Variants in CIAO2B observed in about 807,000 individuals in gnomAD.
CIAO2B encodes cytosolic iron-sulfur assembly component 2B.
A neutral mutation model predicts 16.4 loss-of-function variants in CIAO2B; 20 were observed. That is an observed-to-expected ratio of 1.22 (90% CI 0.86 to 1.77). CIAO2B has a LOEUF of 1.77. Ranked by LOEUF, CIAO2B falls within the 40% of genes most tolerant of loss-of-function variation. The probability of loss-of-function intolerance (pLI) is 0.00; values close to 1 mark genes in which losing one functional copy is unlikely to be tolerated. For synonymous variants in CIAO2B, 106 were observed against 90.4 expected, an observed-to-expected ratio of 1.17 and a Z score of -0.98; for missense variants, 215 against 222.4, an observed-to-expected ratio of 0.97 and a Z score of 0.21.
chr16:66,934,157 C>A lies in CIAO2B; in HGVS notation c.142+66G>T. On this transcript the variant is annotated intron_variant, in intron 1 of 4. Coordinates refer to ENST00000422424, the MANE Select transcript of CIAO2B (RefSeq NM_016062.4). The surrounding 1 kb of genome is among the most constrained non-coding windows in gnomAD (Gnocchi z 4.1). The stretch of plus-strand genomic sequence containing the variant: ...TGCTGGGATGCGGCTCCACCAGCTG[C>A]TCGATATCACTGCTCCCCCCACCGC... 6.2e-7 allele frequency: 1 copy of A among 1,610,730 alleles called. No homozygotes were observed. Among genetic ancestry groups the A allele is most frequent in the Non-Finnish European group, 8.5e-7 (1 of 1,178,806 alleles).
rs1234286899 is a variant in CIAO2B at position 66,932,095 on chromosome 16, A to C, written c.*108T>G. ...ATAAATTAACTTTATTACAAAAAGC[A>C]AAATGTTAGTTTCTCATTGTGAGTG... On this transcript the variant is annotated 3_prime_UTR_variant, in exon 5 of 5. Transcript: ENST00000422424. 3 of 780,230 alleles carry C rather than the reference A, an allele frequency of 3.8e-6. No homozygotes were observed. The African/African-American group carries it at 5.3e-5, about 14-fold the overall frequency. 48.3% of individuals were successfully genotyped at this position (780,230 alleles called of 1,614,324 possible). A position where few individuals can be genotyped will look rare whatever the true frequency, so the allele number is the denominator to read the frequency against.
chr16:66,934,201 C>T lies in CIAO2B; in HGVS notation c.142+22G>A, dbSNP rs769906744. 1 of 1,608,278 alleles carries T rather than the reference C, an allele frequency of 6.2e-7. No individual in the cohort carries two copies. The highest frequency in any genetic ancestry group is 1.1e-5 in the South Asian group (1 of 90,840). On this transcript the variant is annotated intron_variant, in intron 1 of 4. Transcript: ENST00000422424. The surrounding 1 kb of genome is among the most constrained non-coding windows in gnomAD (Gnocchi z 4.1). ...CCACCGCAAGCCCCCGGAACCCGCCCGCGCCCAGCAGCGGCGGATATCGAA... is the reference window on the plus strand; with the variant it reads ...CCACCGCAAGCCCCCGGAACCCGCCTGCGCCCAGCAGCGGCGGATATCGAA...
At chr16:66,933,928 G>A (rs1008958168) in intron 2 of CIAO2B, 59 bp downstream of exon 2, 2 of 1,600,666 alleles carry the variant, frequency 1.2e-6, no homozygotes, top group Admixed American at 3.5e-5. Context: ...GCCAGCTCCT[G>A]CTGCACAGAA....
chr16:66,933,893 T>C, intron 2 of CIAO2B, 94 bp downstream of exon 2: 1 of 1,564,198 alleles, frequency 6.4e-7, no homozygotes, highest in Non-Finnish European at 8.7e-7. Flanking sequence ...AAAGATACCC[T>C]TCGGTGTTCG....
At chr16:66,932,961 C>T in intron 3 of CIAO2B, 136 bp from the exon 4 acceptor site, 3 of 846,700 alleles carry the variant, frequency 3.5e-6, no homozygotes, top group Non-Finnish European at 5.6e-6. Context: ...CCTTCCGTTA[C>T]ACCCCAAACC....
Position 66,934,401 on chromosome 16 carries a change from C to T in CIAO2B, c.-37G>A. 1.4e-6 allele frequency: 2 copies of T among 1,477,254 alleles called. No homozygotes were observed. Among genetic ancestry groups the T allele is most frequent in the Non-Finnish European group, 1.8e-6 (2 of 1,118,664 alleles). The allele number at this position is 1,477,254 out of a possible 1,614,324, so 91.5% of individuals were successfully genotyped here. On this transcript the variant is annotated 5_prime_UTR_variant, in exon 1 of 5. Coordinates refer to ENST00000422424, the MANE Select transcript of CIAO2B (RefSeq NM_016062.4). The surrounding 1 kb of genome is among the most constrained non-coding windows in gnomAD (Gnocchi z 4.1). ...CACCGCTGATCCTAGCAGGCGTGCGCTTCCGCTCCAACCCGCGCACTTCCG... is the reference window on the plus strand; with the variant it reads ...CACCGCTGATCCTAGCAGGCGTGCGTTTCCGCTCCAACCCGCGCACTTCCG...
intron 2 of CIAO2B, 51 bp downstream of exon 2, chr16:66,933,936 G>A (rs1963124098): frequency 1.9e-6 from 3 of 1,606,738 alleles, no homozygotes; most frequent in Non-Finnish European, 2.5e-6. Flanking sequence ...CTGCTGCACA[G>A]AAACCTTTCT....
rs1567544703 is a variant in CIAO2B, at chr16:66,934,335, G to A, written c.30C>T (p.Gly10=). 2 of 1,584,948 alleles carry A rather than the reference G, an allele frequency of 1.3e-6. No homozygotes were observed. The highest frequency in any genetic ancestry group is 1.3e-5 in the African/African-American group (1 of 74,512). MVGGGGVGG[G]LLENANPLIY... ...TGAGGGGGTTGGCATTCTCCAGGAGGCCGCCGCCGACCCCGCCGCCGCCTA... is the reference window on the plus strand; with the variant it reads ...TGAGGGGGTTGGCATTCTCCAGGAGACCGCCGCCGACCCCGCCGCCGCCTA... Residue 10 remains glycine (G), a synonymous_variant, in exon 1 of 5, where the codon GGC becomes GGT. Transcript: ENST00000422424. This position sits in a 1 kb window ranked among gnomAD's most constrained non-coding sequence, Gnocchi z 4.1.
At chr16:66,933,286 G>C (rs2145491773) in intron 3 of CIAO2B, among the ~76,000 whole-genome samples, 1 of 152,282 alleles carries the variant, frequency 6.6e-6, no homozygotes, top group South Asian at 2.1e-4. Flanking sequence ...ACCGCGCCCG[G>C]CCCTAGCTAT....
At position 66,932,118 on chromosome 16, in the gene CIAO2B, G is replaced by C; in HGVS notation, c.*85C>G. On this transcript the variant is annotated 3_prime_UTR_variant, in exon 5 of 5. Coordinates refer to ENST00000422424, the MANE Select transcript of CIAO2B (RefSeq NM_016062.4). The stretch of plus-strand genomic sequence containing the variant: ...GCAAAATGTTAGTTTCTCATTGTGA[G>C]TGATTCAAGAAAACAACGGTAACAG... The C allele has an allele frequency of 1.0e-6, 1 of 981,744 alleles. No individual in the cohort carries two copies. Among genetic ancestry groups the C allele is most frequent in the Non-Finnish European group, 1.5e-6 (1 of 658,656 alleles). The allele number at this position is 981,744 out of a possible 1,614,324, so 60.8% of individuals were successfully genotyped here. A position where few individuals can be genotyped will look rare whatever the true frequency, so the allele number is the denominator to read the frequency against.
In CIAO2B at chr16:66,932,735, T is replaced by C. The variant is rs201877589; in HGVS notation, c.394+45A>G. The C allele has an allele frequency of 1.9e-6, 3 of 1,586,106 alleles. No individual in the cohort carries two copies. In the Admixed American group the frequency reaches 5.4e-5, roughly 28 times the overall value. ...TGCAAGGGGGAAGCCTCAGACTGCT[T>C]AGGGGGTGCCCGGGCCAACACCCTC... On this transcript the variant is annotated intron_variant, in intron 4 of 4. Coordinates refer to ENST00000422424, the MANE Select transcript of CIAO2B (RefSeq NM_016062.4).
chr16:66,934,236 T>C lies in CIAO2B; in HGVS notation c.129A>G (p.Ala43=), dbSNP rs758003722. ...AGCGGCGGATATCGAAGATCTCGCG[T>C]GCGTCGATGCTGTCGGGAACCTGCT... ...EDEQVPDSID[A]REIFDLIRSI... Residue 43 remains alanine, a synonymous_variant, in exon 1 of 5, where the codon GCA becomes GCG. Transcript: ENST00000422424. The surrounding 1 kb of genome is among the most constrained non-coding windows in gnomAD (Gnocchi z 4.1). The C allele has an allele frequency of 5.6e-6, 9 of 1,609,888 alleles. No individual in the cohort carries two copies. The highest frequency in any genetic ancestry group is 7.6e-6 in the Non-Finnish European group (9 of 1,179,318).
In CIAO2B at chr16:66,934,382, T is replaced by G; in HGVS notation, c.-18A>C. On this transcript the variant is annotated 5_prime_UTR_variant, in exon 1 of 5. Transcript: ENST00000422424. This position sits in a 1 kb window ranked among gnomAD's most constrained non-coding sequence, Gnocchi z 4.1. ...CCTACCATCGCGGAACCACCACCGC[T>G]GATCCTAGCAGGCGTGCGCTTCCGC... 1 of 1,524,408 alleles carries G rather than the reference T, an allele frequency of 6.6e-7. No individual in the cohort carries two copies. Among genetic ancestry groups the G allele is most frequent in the Non-Finnish European group, 8.8e-7 (1 of 1,141,958 alleles). The allele number at this position is 1,524,408 out of a possible 1,614,324, so 94.4% of individuals were successfully genotyped here. A position where few individuals can be genotyped will look rare whatever the true frequency, so the allele number is the denominator to read the frequency against.
At position 66,933,970 on chromosome 16, in the gene CIAO2B, C is replaced by T; in HGVS notation, c.222+17G>A. The T allele has an allele frequency of 6.2e-7, 1 of 1,613,294 alleles. No homozygotes were observed. The highest frequency in any genetic ancestry group is 8.5e-7 in the Non-Finnish European group (1 of 1,179,716). ...CTGACTCTCTGGAACAACTCGCTCCCCTCGGAAGTGACTCACCTGAACCCG... is the reference window on the plus strand; with the variant it reads ...CTGACTCTCTGGAACAACTCGCTCCTCTCGGAAGTGACTCACCTGAACCCG... On this transcript the variant is annotated intron_variant, in intron 2 of 4. Coordinates refer to ENST00000422424, the MANE Select transcript of CIAO2B (RefSeq NM_016062.4).
Position 66,934,029 on chromosome 16 carries a change from C to T in CIAO2B, c.180G>A (p.Leu60=). 2 of 1,613,814 alleles carry T rather than the reference C, an allele frequency of 1.2e-6. No homozygotes were observed. Among genetic ancestry groups the T allele is most frequent in the Non-Finnish European group, 1.7e-6 (2 of 1,179,888 alleles). Residue 60 remains leucine (L), a synonymous_variant, in exon 2 of 5, where the codon CTG becomes CTA. Coordinates refer to ENST00000422424, the MANE Select transcript of CIAO2B (RefSeq NM_016062.4). This position sits in a 1 kb window ranked among gnomAD's most constrained non-coding sequence, Gnocchi z 4.1. ...IRSINDPEHP[L]TLEELNVVEQ... is the part of the protein sequence containing the mutation. ...CTACTACGTTCAACTCCTCTAGCGT[C>T]AGTGGATGCTCCGGGTCATTGATGG...
In CIAO2B at chr16:66,932,306, T is replaced by C. The variant is rs762608298; in HGVS notation, c.395-6A>G. On this transcript the variant is annotated splice_polypyrimidine_tract_variant and splice_region_variant and intron_variant, in intron 4 of 4. Transcript: ENST00000422424. Reference sequence around the variant, plus strand: ...ATCTGCAAGTTGCTTGTTCACTAGGTGGGAAGAAGGGTGTGGGGAAGGCAG... The same window carrying C: ...ATCTGCAAGTTGCTTGTTCACTAGGCGGGAAGAAGGGTGTGGGGAAGGCAG... 12 of 1,612,426 alleles carry C rather than the reference T, an allele frequency of 7.4e-6. No individual in the cohort carries two copies. Among genetic ancestry groups the C allele is most frequent in the Non-Finnish European group, 9.3e-6 (11 of 1,178,852 alleles).
intron 4 of CIAO2B, 84 bp downstream of exon 4, chr16:66,932,696 C>T (rs1355045191): frequency 1.4e-6 from 2 of 1,480,482 alleles, no homozygotes; most frequent in African/African-American, 1.4e-5. Flanking sequence ...TCCAGTCTTG[C>T]CCATAGACTC....
At position 66,934,318 on chromosome 16, in the gene CIAO2B, T is replaced by C; in HGVS notation, c.47A>G (p.Asn16Ser). 3 of 1,602,234 alleles carry C rather than the reference T, an allele frequency of 1.9e-6. 1 individual carries two copies. The highest frequency in any genetic ancestry group is 2.2e-5 in the South Asian group (2 of 90,316). ...GVGGGLLENA[N>S]PLIYQRSGER... The stretch of plus-strand genomic sequence containing the variant: ...CCCAGAGCGCTGGTAGATGAGGGGG[T>C]TGGCATTCTCCAGGAGGCCGCCGCC... Residue 16 changes from asparagine (N) to serine (S), a missense_variant, in exon 1 of 5, where the codon AAC becomes AGC. By Grantham distance (46) the Asn-to-Ser change is conservative. Transcript: ENST00000422424. This position sits in a 1 kb window ranked among gnomAD's most constrained non-coding sequence, Gnocchi z 4.1.
intron 2 of CIAO2B, 87 bp downstream of exon 2, chr16:66,933,900 T>G: frequency 6.4e-7 from 1 of 1,573,218 alleles, no homozygotes; most frequent in Non-Finnish European, 8.6e-7. Context: ...CCCTTCGGTG[T>G]TCGTGAGCAT....
Sources: allele counts gnomAD v4.1 joint callset (sites outside exome capture counted in the v4.1 genomes callset), GRCh38; gene constraint gnomAD v4.1.1; non-coding constraint Gnocchi (gnomAD v3.1); transcripts MANE v1.5; gene names NCBI Gene and HGNC (gene_info 2026-07-23, HGNC 2026-07-21).